SGCA: variants seen among roughly 807,000 people sequenced by gnomAD.
SGCA encodes alpha-sarcoglycan.
In SGCA, 34 loss-of-function variants were observed where a neutral mutation model predicts 38.1. The observed-to-expected ratio is 0.89, with a 90% CI of 0.68 to 1.19. The LOEUF (loss-of-function observed/expected upper bound fraction) is 1.19, where lower values mean the gene tolerates loss of function less well. SGCA is among the 50% of genes most tolerant of loss of function. The pLI is 0.00. For missense variants in SGCA, 476 were observed against 524.9 expected (o/e 0.91, Z 0.91); for synonymous variants, 209 against 214.6 (o/e 0.97, Z 0.23).
At chr17:50,172,815 C>T (rs901454190) in intron 8 of SGCA, among the ~76,000 whole-genome samples, 3 of 145,742 alleles carry the variant, frequency 2.1e-5, no homozygotes, top group African/African-American at 8.0e-5. Context: ...AGTTGACTTA[C>T]GCTAAGTTGA....
chr17:50,168,579 G>A lies in SGCA; in HGVS notation c.584+7G>A. 2 of 1,556,958 alleles carry A rather than the reference G, an allele frequency of 1.3e-6. No homozygotes were observed. Among genetic ancestry groups the A allele is most frequent in the Non-Finnish European group, 8.7e-7 (1 of 1,149,078 alleles). On this transcript the variant is annotated splice_region_variant and intron_variant, in intron 5 of 9. Coordinates refer to ENST00000262018, the MANE Select transcript of SGCA (RefSeq NM_000023.4). ...TTGAGGGCCGAAAAGAAGGGTAGGT[G>A]TGCAACCCTAGAGGACTTCCTGAAA...
At chr17:50,170,461 C>T (rs1457189405) in intron 7 of SGCA, 110 bp downstream of exon 7, 64 of 1,378,110 alleles carry the variant, frequency 4.6e-5, no homozygotes, top group Non-Finnish European at 6.2e-5. Context: ...ATGGGGTTCT[C>T]AGGCACAAAA....
intron 8 of SGCA, among the ~76,000 whole-genome samples, chr17:50,174,625 G>A (rs1205171182): frequency 6.6e-6 from 1 of 152,032 alleles, no homozygotes; most frequent in Non-Finnish European, 1.5e-5. Context: ...GGGATTACAG[G>A]TGTGAGCCAC....
intron 5 of SGCA, 83 bp downstream of exon 5, chr17:50,168,655 C>T (rs1313700640): frequency 1.5e-6 from 2 of 1,295,038 alleles, no homozygotes. Context: ...CCCTAATTTC[C>T]AGGTGGGGCT....
rs369340251 is a variant in SGCA, at chr17:50,167,654, G to A, written c.230G>A (p.Arg77His). The change falls in exon 3 of 10, where the codon CGC becomes CAC. Residue 77 changes from arginine (R) to histidine (H), a missense_variant. Coordinates refer to ENST00000262018, the MANE Select transcript of SGCA (RefSeq NM_000023.4). This position sits in a 1 kb window ranked among gnomAD's most constrained non-coding sequence, Gnocchi z 4.5. Reference protein sequence around the residue: ...QGHPDLPRWLRYTQRSPHHPG... With the variant: ...QGHPDLPRWLHYTQRSPHHPG... ...CACCCAGACCTGCCCCGGTGGCTCC[G>A]CTACACCCAGCGCAGCCCCCACCAC... The A allele has an allele frequency of 6.8e-6, 11 of 1,613,782 alleles. 1 individual carries two copies. The highest frequency in any genetic ancestry group is 4.5e-5 in the East Asian group (2 of 44,872).
Position 50,175,281 on chromosome 17 carries a change from C to T in SGCA, c.1008C>T (p.Thr336=). Residue 336 remains threonine (T), a synonymous_variant, in exon 9 of 10, where the codon ACC becomes ACT. Coordinates refer to ENST00000262018, the MANE Select transcript of SGCA (RefSeq NM_000023.4). Reference sequence around the variant, plus strand: ...GCATCCAGATGGTCCACCACTGCACCATCCACGGGAACACAGAGGAGCTGC... The same window carrying T: ...GCATCCAGATGGTCCACCACTGCACTATCCACGGGAACACAGAGGAGCTGC... The part of the protein sequence containing the change: ...TSDIQMVHHC[T]IHGNTEELRQ... 6.2e-7 allele frequency: 1 copy of T among 1,607,272 alleles called. No homozygotes were observed. The highest frequency in any genetic ancestry group is 8.5e-7 in the Non-Finnish European group (1 of 1,177,534).
In SGCA at chr17:50,175,297, G is replaced by T; in HGVS notation, c.1024G>T (p.Glu342Ter). The T allele has an allele frequency of 6.2e-7, 1 of 1,608,768 alleles. No homozygotes were observed. The change falls in exon 9 of 10, where the codon GAG (glutamate) becomes TAG (stop). Residue 342 changes from glutamate to a stop codon, truncating the protein, a stop_gained. Coordinates refer to ENST00000262018, the MANE Select transcript of SGCA (RefSeq NM_000023.4). LOFTEE classifies it high-confidence loss of function. ...CCACTGCACCATCCACGGGAACACA[G>T]AGGAGCTGCGGCAGATGGCGGCCAG... is the stretch of plus-strand genomic sequence containing the variant. ...VHHCTIHGNTEELRQMAASRE... is the reference protein window; with the variant it reads ...VHHCTIHGNT
intron 1 of SGCA, 131 bp downstream of exon 1, chr17:50,166,208 G>A (rs1280517840): frequency 1.3e-6 from 1 of 778,090 alleles, no homozygotes; most frequent in African/African-American, 1.7e-5. Flanking sequence ...GAAGGGCTTT[G>A]GGGTGTTAAT....
In SGCA at chr17:50,170,685, G is replaced by A. The variant is rs1231515934; in HGVS notation, c.983+19G>A. 20 of 1,555,692 alleles carry A rather than the reference G, an allele frequency of 1.3e-5. No homozygotes were observed. Among genetic ancestry groups the A allele is most frequent in the Non-Finnish European group, 1.7e-5 (20 of 1,148,200 alleles). On this transcript the variant is annotated intron_variant, in intron 8 of 9. Coordinates refer to ENST00000262018, the MANE Select transcript of SGCA (RefSeq NM_000023.4). ...CCTCCGAGTGAGTAAAGGAAAGCTGGGGGTGGGGTGGGAGCCCACCTAGAC... is the reference window on the plus strand; with the variant it reads ...CCTCCGAGTGAGTAAAGGAAAGCTGAGGGTGGGGTGGGAGCCCACCTAGAC...
intron 8 of SGCA, 93 bp downstream of exon 8, chr17:50,170,759 A>G (rs1429255580): frequency 1.9e-6 from 2 of 1,051,040 alleles, no homozygotes; most frequent in African/African-American, 1.6e-5. Context: ...CAGAGACAAA[A>G]TAAATAACTC....
At position 50,168,014 on chromosome 17, in the gene SGCA, C is replaced by A. The variant is rs777028657; in HGVS notation, c.380C>A (p.Pro127Gln). The A allele has an allele frequency of 1.9e-6, 3 of 1,613,518 alleles. No homozygotes were observed. Among genetic ancestry groups the A allele is most frequent in the South Asian group, 2.2e-5 (2 of 91,064 alleles). ...RQRLVLEIGDPEGPLLPYQAE... is the reference protein window; with the variant it reads ...RQRLVLEIGDQEGPLLPYQAE... The stretch of plus-strand genomic sequence containing the variant: ...AGGCTGGTGCTGGAGATTGGGGACC[C>A]AGAAGGTACCTCTAGCTGTGCCCCA... Residue 127 changes from proline to glutamine, a missense_variant, in exon 4 of 10, where the codon CCA becomes CAA. Physicochemically the swap from Pro to Gln is moderately conservative, Grantham distance 76. Coordinates refer to ENST00000262018, the MANE Select transcript of SGCA (RefSeq NM_000023.4).
Position 50,166,521 on chromosome 17 carries a change from G to C in SGCA, c.37+444G>C, listed in dbSNP as rs1360512925. Among the ~76,000 whole-genome samples the C allele has an allele frequency of 3.9e-5, 6 of 152,050 alleles. No homozygotes were observed. In the East Asian group the frequency reaches 5.8e-4, roughly 15 times the overall value. Reference sequence around the variant, plus strand: ...AGGCCTTCTTCTTCCCTGTATTTTAGGGGAGGAAGGTGGGGGTCTCCAGGC... The same window carrying C: ...AGGCCTTCTTCTTCCCTGTATTTTACGGGAGGAAGGTGGGGGTCTCCAGGC... On this transcript the variant is annotated intron_variant, in intron 1 of 9. Transcript: ENST00000262018.
chr17:50,175,174 G>C (rs1306548062), intron 8 of SGCA, 83 bp from the exon 9 acceptor site: 23 of 1,316,118 alleles, frequency 1.7e-5, no homozygotes, highest in Non-Finnish European at 2.4e-5. Context: ...GGGGAGGACC[G>C]CAGGGTGGCT....
rs778476146 is a variant in SGCA, at chr17:50,167,631, C to T, written c.207C>T (p.His69=). The T allele has an allele frequency of 6.2e-7, 1 of 1,613,926 alleles. No homozygotes were observed. The highest frequency in any genetic ancestry group is 8.5e-7 in the Non-Finnish European group (1 of 1,180,016). The part of the protein sequence containing the change: ...HITYHAHLQG[H]PDLPRWLRYT... The stretch of plus-strand genomic sequence containing the variant: ...CCTACCACGCCCACCTCCAGGGACA[C>T]CCAGACCTGCCCCGGTGGCTCCGCT... The change falls in exon 3 of 10, where the codon CAC becomes CAT. Residue 69 remains histidine, a synonymous_variant. Coordinates refer to ENST00000262018, the MANE Select transcript of SGCA (RefSeq NM_000023.4). The surrounding 1 kb of genome is among the most constrained non-coding windows in gnomAD (Gnocchi z 4.5).
At position 50,167,572 on chromosome 17, in the gene SGCA, C is replaced by G. The variant is rs746675022; in HGVS notation, c.158-10C>G. ...CTGTGACTCGAATCCCCTCTCCTCG[C>G]TTCCACCAGCTGTCCCACCCGCTGT... On this transcript the variant is annotated splice_polypyrimidine_tract_variant and intron_variant, in intron 2 of 9. Transcript: ENST00000262018. The surrounding 1 kb of genome is among the most constrained non-coding windows in gnomAD (Gnocchi z 4.5). 9.9e-6 allele frequency: 16 copies of G among 1,613,566 alleles called. 1 individual carries two copies. The South Asian group carries it at 1.6e-4, about 17-fold the overall frequency.
Position 50,167,317 on chromosome 17 carries a change from G to GC in SGCA, c.38-48dup. The stretch of plus-strand genomic sequence containing the variant: ...TGGTGGGGAAGGGAGCTTATCCCCT[G>GC]CCCAGGACTGAGGCTGGCCTGTGTG... On this transcript the variant is annotated intron_variant, in intron 1 of 9. Transcript: ENST00000262018. This position sits in a 1 kb window ranked among gnomAD's most constrained non-coding sequence, Gnocchi z 4.5. 1 of 1,612,998 alleles carries GC rather than the reference G, an allele frequency of 6.2e-7. No homozygotes were observed. The highest frequency in any genetic ancestry group is 8.5e-7 in the Non-Finnish European group (1 of 1,179,696).
At chr17:50,169,005 T>C in intron 5 of SGCA, 87 bp from the exon 6 acceptor site, 1 of 1,238,356 alleles carries the variant, frequency 8.1e-7, no homozygotes, top group South Asian at 1.2e-5. Context: ...TAGCCTACAA[T>C]TAGGAAAGTT....
intron 8 of SGCA, among the ~76,000 whole-genome samples, chr17:50,170,925 G>T (rs566753460): frequency 2.2e-4 from 34 of 152,254 alleles, no homozygotes; most frequent in African/African-American, 7.2e-4. Context: ...CTAGCCAGGC[G>T]TGGTGGAGCA....
intron 8 of SGCA, among the ~76,000 whole-genome samples, chr17:50,174,203 C>T (rs1260240405): frequency 1.3e-5 from 2 of 152,128 alleles, no homozygotes; most frequent in Non-Finnish European, 2.9e-5. Context: ...CACTTATAGT[C>T]CCAGTTACTC....
Sources: gnomAD v4.1 joint callset for allele counts (sites outside exome capture counted in the v4.1 genomes callset) on GRCh38, gnomAD v4.1.1 for gene constraint, Gnocchi (gnomAD v3.1) non-coding constraint, MANE v1.5 for transcripts, NCBI Gene and HGNC (gene_info 2026-07-23, HGNC 2026-07-21) for gene names.